The following FGFR2 variants were observed in gnomAD, a reference collection of about 807,000 sequenced individuals.
FGFR2 encodes BEK fibroblast growth factor receptor.
A neutral mutation model predicts 95.9 loss-of-function variants in FGFR2; 19 were observed. The ratio of observed to expected loss-of-function variants is 0.20; its 90% confidence interval spans 0.14 to 0.29. The LOEUF (loss-of-function observed/expected upper bound fraction) is 0.29, where lower values mean the gene tolerates loss of function less well. Among genes scored for constraint, FGFR2 ranks in the 10% least tolerant of loss-of-function variants. The pLI, the probability that FGFR2 is intolerant of heterozygous loss-of-function variation, is 1.00. For synonymous variants in FGFR2, 392 were observed against 393.3 expected (o/e 1.00, Z 0.04); for missense variants, 707 against 1,056.9 (o/e 0.67, Z 4.59).
intron 5 of FGFR2, 66 bp from the exon 6 acceptor site, chr10:121,538,781 T>A (rs772971167): frequency 2.2e-4 from 352 of 1,604,992 alleles, no homozygotes; most frequent in Non-Finnish European, 2.9e-4. Flanking sequence ...TACTGTGCTT[T>A]CTTGATTTAA....
chr10:121,483,860 G>T, intron 16 of FGFR2, 57 bp from the exon 17 acceptor site: 2 of 1,358,146 alleles, frequency 1.5e-6, no homozygotes, highest in East Asian at 2.4e-5. Context: ...CGTGGTTATA[G>T]TCAGTTTTAA....
intron 4 of FGFR2, among the ~76,000 whole-genome samples, chr10:121,558,693 C>T (rs371531099): frequency 2.7e-4 from 41 of 151,910 alleles, no homozygotes; most frequent in East Asian, 1.9e-3. Context: ...CTGCAACCTC[C>T]ACTTCCCGGG....
At chr10:121,496,812 A>C in intron 12 of FGFR2, 90 bp from the exon 13 acceptor site, 15 of 1,125,762 alleles carry the variant, frequency 1.3e-5, no homozygotes, top group Admixed American at 4.3e-5. Flanking sequence ...ATTACAACCC[A>C]TGCTTTTTTT....
At chr10:121,578,633 G>C (rs1273130737) in intron 2 of FGFR2, among the ~76,000 whole-genome samples, 1 of 152,242 alleles carries the variant, frequency 6.6e-6, no homozygotes, top group African/African-American at 2.4e-5. Flanking sequence ...GGGTCAGCTG[G>C]GCGCTGTGGC....
chr10:121,500,813 C>T lies in FGFR2; in HGVS notation c.1561+13G>A, dbSNP rs2134004376. 1 of 1,613,702 alleles carries T rather than the reference C, an allele frequency of 6.2e-7. No homozygotes were observed. The highest frequency in any genetic ancestry group is 8.5e-7 in the Non-Finnish European group (1 of 1,180,028). On this transcript the variant is annotated intron_variant, in intron 11 of 17. Transcript: ENST00000358487. ...ACCCAGCCCCTCCCCGAGCCTCCCG[C>T]CTCCCCGCTCACCTTTCAACATCTT...
intron 4 of FGFR2, among the ~76,000 whole-genome samples, chr10:121,562,587 A>G (rs908465880): frequency 1.3e-5 from 2 of 152,170 alleles, no homozygotes; most frequent in African/African-American, 4.8e-5. Context: ...TGCCCAGCCG[A>G]GATATCTTTT....
At chr10:121,537,739 C>T (rs1016805716) in intron 6 of FGFR2, among the ~76,000 whole-genome samples, 6 of 152,132 alleles carry the variant, frequency 3.9e-5, no homozygotes, top group Admixed American at 3.3e-4. Context: ...CTCAAGGTGG[C>T]AGGTTGAAAG....
chr10:121,595,764 G>A (rs1226049528), intron 1 of FGFR2, among the ~76,000 whole-genome samples: 1 of 152,200 alleles, frequency 6.6e-6, no homozygotes, highest in Non-Finnish European at 1.5e-5. Context: ...CGGCCTGCTC[G>A]CCCACCTGTC....
chr10:121,497,108 G>A (rs1846950294), intron 12 of FGFR2, among the ~76,000 whole-genome samples: 1 of 141,816 alleles, frequency 7.1e-6, no homozygotes, highest in Non-Finnish European at 1.5e-5. Context: ...TGCAGCCTAG[G>A]CAACAGAGCG....
intron 6 of FGFR2, among the ~76,000 whole-genome samples, chr10:121,533,675 G>T (rs537877208): frequency 6.6e-6 from 1 of 152,258 alleles, no homozygotes; most frequent in East Asian, 1.9e-4. Flanking sequence ...AGCAGGGTGG[G>T]GTGACAGCAG....
intron 17 of FGFR2, among the ~76,000 whole-genome samples, chr10:121,483,327 G>A (rs1845001849): frequency 6.6e-6 from 1 of 152,100 alleles, no homozygotes; most frequent in South Asian, 2.1e-4. Flanking sequence ...ACCCACTAAT[G>A]ACCAAAGCAC....
chr10:121,577,111 G>T (rs1859917588), intron 2 of FGFR2, among the ~76,000 whole-genome samples: 1 of 120,204 alleles, frequency 8.3e-6, no homozygotes, highest in Admixed American at 9.9e-5. Flanking sequence ...CTCCAGCCTG[G>T]ATGACAGAGC....
intron 4 of FGFR2, among the ~76,000 whole-genome samples, chr10:121,553,739 T>C (rs1002159248): frequency 1.3e-5 from 2 of 152,234 alleles, no homozygotes; most frequent in African/African-American, 4.8e-5. Flanking sequence ...GAATGTCTTT[T>C]CTTTTTTACA....
intron 4 of FGFR2, among the ~76,000 whole-genome samples, chr10:121,563,666 A>C (rs1250269193): frequency 6.6e-6 from 1 of 152,188 alleles, no homozygotes; most frequent in African/African-American, 2.4e-5. Context: ...CAACCCCAGA[A>C]AATAGTATTA....
At chr10:121,538,435 G>A (rs367975451) in intron 6 of FGFR2, 157 bp downstream of exon 6, 6 of 1,126,012 alleles carry the variant, frequency 5.3e-6, no homozygotes, top group Non-Finnish European at 8.2e-6. Flanking sequence ...ATTGTCAGAT[G>A]ACAGAAGCAG....
intron 14 of FGFR2, 110 bp downstream of exon 14, chr10:121,487,881 A>C: frequency 7.4e-7 from 1 of 1,360,484 alleles, no homozygotes; most frequent in Non-Finnish European, 1.0e-6. Flanking sequence ...GGGGCAGGGG[A>C]ATGGGTCCCC....
intron 4 of FGFR2, among the ~76,000 whole-genome samples, chr10:121,562,134 A>G (rs1383414606): frequency 6.6e-6 from 1 of 152,156 alleles, no homozygotes; most frequent in Non-Finnish European, 1.5e-5. Flanking sequence ...TTTCCTACAA[A>G]TCTAAACATA....
chr10:121,570,397 G>A (rs77837798), intron 2 of FGFR2, among the ~76,000 whole-genome samples: 5,729 of 152,216 alleles, frequency 0.038, 310 homozygotes, highest in African/African-American at 0.12. Context: ...TGTGCAAAGG[G>A]GCCTCCCTAA....
At chr10:121,567,790 C>T (rs1857921365) in intron 2 of FGFR2, among the ~76,000 whole-genome samples, 1 of 152,198 alleles carries the variant, frequency 6.6e-6, no homozygotes, top group Admixed American at 6.5e-5. Context: ...TATTGTCTGG[C>T]GCTGCTTTTG....
Sources: allele counts gnomAD v4.1 joint callset (sites outside exome capture counted in the v4.1 genomes callset), GRCh38; gene constraint gnomAD v4.1.1; transcripts MANE v1.5; gene names NCBI Gene and HGNC (gene_info 2026-07-23, HGNC 2026-07-21).